TTBK2: variants seen among roughly 807,000 people sequenced by gnomAD.
TTBK2 encodes tau-tubulin kinase 2.
In TTBK2, 28 loss-of-function variants were observed where a neutral mutation model predicts 110.8. The ratio of observed to expected loss-of-function variants is 0.25; its 90% confidence interval spans 0.19 to 0.35. The LOEUF is 0.35. Among genes scored for constraint, TTBK2 ranks in the 10% least tolerant of loss-of-function variants. The pLI is 1.00. For missense variants in TTBK2, 1,369 were observed against 1,500.3 expected (o/e 0.91, Z 1.45); for synonymous variants, 532 against 527.3 (o/e 1.01, Z -0.12).
intron 2 of TTBK2, 65 bp from the exon 3 acceptor site, chr15:42,872,823 A>C (rs1652020455): frequency 6.4e-7 from 1 of 1,572,870 alleles, no homozygotes; most frequent in Non-Finnish European, 8.7e-7. Flanking sequence ...AAAGCAATTG[A>C]TCTCTTATAT....
In TTBK2 at chr15:42,777,305, T is replaced by C. The variant is rs1889975196; in HGVS notation, c.1198-63A>G. 4.0e-6 allele frequency: 6 copies of C among 1,489,492 alleles called. No individual in the cohort carries two copies. In the Admixed American group the frequency reaches 7.4e-5, roughly 18 times the overall value. The allele number at this position is 1,489,492 out of a possible 1,614,324, so 92.3% of individuals were successfully genotyped here. A position where few individuals can be genotyped will look rare whatever the true frequency, so the allele number is the denominator to read the frequency against. On this transcript the variant is annotated intron_variant, in intron 11 of 14. Transcript: ENST00000267890. The stretch of plus-strand genomic sequence containing the variant: ...TAGGCAACACACATGAGAGGAATCA[T>C]TGAAGCCTTTCAAAATAATATAAAT...
At chr15:42,902,261 C>T (rs2030089168) in intron 1 of TTBK2, among the ~76,000 whole-genome samples, 1 of 150,610 alleles carries the variant, frequency 6.6e-6, no homozygotes, top group Admixed American at 6.6e-5. Flanking sequence ...TTGCTCACGC[C>T]TGTAATCCCA....
rs561619841 is a variant in TTBK2 at position 42,791,120 on chromosome 15, A to G, written c.980+3524T>C. 2.0e-4 allele frequency among the ~76,000 whole-genome samples: 30 copies of G among 151,788 alleles called. 1 individual carries two copies. The East Asian group carries it at 5.1e-3, about 26-fold the overall frequency. On this transcript the variant is annotated intron_variant, in intron 10 of 14. Transcript: ENST00000267890. ...GCCAGGATGGTCTCGATCTGACCTC[A>G]TGATCCGCCCGCCTTGGCCTCCCAA...
chr15:42,893,799 T>C (rs1895561374), intron 1 of TTBK2, among the ~76,000 whole-genome samples: 3 of 152,132 alleles, frequency 2.0e-5, no homozygotes, highest in Admixed American at 2.0e-4. Context: ...GTTATCACTA[T>C]AGACTCCACA....
At chr15:42,905,012 C>A (rs2030297433) in intron 1 of TTBK2, among the ~76,000 whole-genome samples, 1 of 151,982 alleles carries the variant, frequency 6.6e-6, no homozygotes, top group Admixed American at 6.6e-5. Context: ...GCTGGGACTA[C>A]AGAAACATGC....
intron 2 of TTBK2, among the ~76,000 whole-genome samples, chr15:42,875,521 C>G (rs1894783529): frequency 6.6e-6 from 1 of 151,966 alleles, no homozygotes. Context: ...CAGAATAGGG[C>G]AAAGTGACAC....
intron 13 of TTBK2, among the ~76,000 whole-genome samples, chr15:42,769,338 G>C (rs574791869): frequency 5.3e-5 from 8 of 152,238 alleles, no homozygotes; most frequent in African/African-American, 1.7e-4. Context: ...TTATAGAATG[G>C]GAGAACATTT....
At position 42,904,506 on chromosome 15, in the gene TTBK2, T is replaced by C. The variant is rs902168834; in HGVS notation, c.-68+15932A>G. ...TGGTAATATCCTTAATGACCTAACA[T>C]AGGAAGTAAATCGCATGCTAATGAA... On this transcript the variant is annotated intron_variant, in intron 1 of 14. Transcript: ENST00000267890. Among the ~76,000 whole-genome samples the C allele has an allele frequency of 6.6e-5, 10 of 152,068 alleles. No homozygotes were observed. The East Asian group carries it at 1.9e-3, about 29-fold the overall frequency.
chr15:42,751,312 AAGG>A (rs1424789097), intron 14 of TTBK2, among the ~76,000 whole-genome samples: 3 of 152,252 alleles, frequency 2.0e-5, no homozygotes, highest in Admixed American at 1.3e-4. Context: ...TGGAGACTGA[AAGG>A]AGCAGTTTCT....
Position 42,740,962 on chromosome 15 carries a change from G to A in TTBK2, c.*4833C>T, listed in dbSNP as rs146228436. Reference sequence around the variant, plus strand: ...CAGGGATTTCTCAGAATTGAGGTGTGCAGCATCCAGATTCCCCTTTATGTG... The same window carrying A: ...CAGGGATTTCTCAGAATTGAGGTGTACAGCATCCAGATTCCCCTTTATGTG... On this transcript the variant is annotated 3_prime_UTR_variant, in exon 15 of 15. Transcript: ENST00000267890. 1 of 152,344 alleles carries A rather than the reference G, an allele frequency of 6.6e-6. No individual in the cohort carries two copies. Among genetic ancestry groups the A allele is most frequent in the African/African-American group, 2.4e-5 (1 of 41,574 alleles). The allele number at this position is 152,344 out of a possible 1,614,324, so 9.4% of individuals were successfully genotyped here.
chr15:42,810,592 C>G, intron 9 of TTBK2, 22 bp downstream of exon 9: 1 of 1,613,120 alleles, frequency 6.2e-7, no homozygotes, highest in Admixed American at 1.7e-5. Context: ...AACTAACCCA[C>G]AGAACTCACA....
chr15:42,857,874 C>T (rs1010599376), intron 3 of TTBK2, among the ~76,000 whole-genome samples: 5 of 151,650 alleles, frequency 3.3e-5, no homozygotes, highest in Non-Finnish European at 5.9e-5. Context: ...CCTGAGATCA[C>T]GAGTTCAAGA....
At chr15:42,801,648 T>C in intron 9 of TTBK2, 2 of 867,470 alleles carry the variant, frequency 2.3e-6, no homozygotes, top group South Asian at 1.3e-5. Flanking sequence ...ATGCTGTCCA[T>C]GTCCAGGAAG....
chr15:42,872,475 G>T, intron 3 of TTBK2, 136 bp downstream of exon 3: 1 of 974,618 alleles, frequency 1.0e-6, no homozygotes, highest in Non-Finnish European at 1.5e-6. Context: ...AGAGAAAAAT[G>T]CTCAGCGTAT....
At chr15:42,762,407 A>T (rs570602024) in intron 13 of TTBK2, among the ~76,000 whole-genome samples, 1 of 152,272 alleles carries the variant, frequency 6.6e-6, no homozygotes, top group Admixed American at 6.5e-5. Context: ...ACAACAACAG[A>T]TGAGTGGATA....
At chr15:42,746,404 G>A (rs2061795961) in intron 14 of TTBK2, 147 bp from the exon 15 acceptor site, 2 of 658,234 alleles carry the variant, frequency 3.0e-6, no homozygotes, top group Non-Finnish European at 5.1e-6. Context: ...TATACTAGTT[G>A]TATGACCCTG....
chr15:42,777,139 T>G lies in TTBK2; in HGVS notation c.1301A>C (p.Asp434Ala). ...CTTTCGCACCAGTGGAATATCTCTG[T>G]CTGGCTGAGTAATCTCTGAGCGGAC... ...IRVRSEITQP[D>A]RDIPLVRKLR... The change falls in exon 12 of 15, where the codon GAC (aspartate) becomes GCC (alanine). Residue 434 changes from aspartate (D) to alanine (A), a missense_variant. Transcript: ENST00000267890. 2 of 1,614,224 alleles carry G rather than the reference T, an allele frequency of 1.2e-6. No homozygotes were observed. The highest frequency in any genetic ancestry group is 1.1e-5 in the South Asian group (1 of 91,080).
chr15:42,789,564 T>C (rs2140841728), intron 10 of TTBK2, among the ~76,000 whole-genome samples: 1 of 152,030 alleles, frequency 6.6e-6, no homozygotes, highest in Non-Finnish European at 1.5e-5. Flanking sequence ...TGAAACCCCA[T>C]ATCTAATAAA....
chr15:42,750,798 C>G (rs964444943), intron 14 of TTBK2, among the ~76,000 whole-genome samples: 1 of 152,156 alleles, frequency 6.6e-6, no homozygotes, highest in African/African-American at 2.4e-5. Context: ...ACTCAGAGAC[C>G]CACAATGAGA....
Sources: gnomAD v4.1 joint callset for allele counts (sites outside exome capture counted in the v4.1 genomes callset) on GRCh38, gnomAD v4.1.1 for gene constraint, MANE v1.5 for transcripts, NCBI Gene and HGNC (gene_info 2026-07-23, HGNC 2026-07-21) for gene names.